The following NAV2 variants were observed in gnomAD, a reference collection of about 807,000 sequenced individuals.
NAV2 encodes the protein helicase, APC down-regulated 1.
In NAV2, 54 loss-of-function variants were observed where a neutral mutation model predicts 223.2. That is an observed-to-expected ratio of 0.24 (90% CI 0.19 to 0.30). NAV2 has a LOEUF of 0.30. NAV2 is among the 10% of genes least tolerant of loss of function. The probability of loss-of-function intolerance (pLI) is 1.00; values close to 1 mark genes in which losing one functional copy is unlikely to be tolerated. For synonymous variants in NAV2, 1,279 were observed against 1,239.3 expected, an observed-to-expected ratio of 1.03 and a Z score of -0.67; for missense variants, 2,806 against 3,147.5, an observed-to-expected ratio of 0.89 and a Z score of 2.60.
At chr11:19,694,099 C>T (rs2049260123) in intron 1 of NAV2, among the ~76,000 whole-genome samples, 1 of 152,108 alleles carries the variant, frequency 6.6e-6, no homozygotes, top group South Asian at 2.1e-4. Flanking sequence ...GGTTGGGTTC[C>T]ACAGAGGCAG....
intron 10 of NAV2, among the ~76,000 whole-genome samples, chr11:19,956,365 T>C (rs796937262): frequency 0.018 from 1,856 of 103,844 alleles, 49 homozygotes; most frequent in African/African-American, 0.083. Flanking sequence ...CCGACACACA[T>C]ACACACACAC....
chr11:19,917,040 T>A (rs570874481), intron 6 of NAV2, among the ~76,000 whole-genome samples: 19 of 152,318 alleles, frequency 1.2e-4, no homozygotes, highest in Admixed American at 9.8e-4. Flanking sequence ...TGCATGGCTA[T>A]CCCTTGATGC....
intron 3 of NAV2, among the ~76,000 whole-genome samples, chr11:19,847,860 C>T (rs977551800): frequency 5.9e-5 from 9 of 152,198 alleles, no homozygotes; most frequent in Non-Finnish European, 8.8e-5. Context: ...ATAATCAGCA[C>T]TCAGTATATG....
At chr11:19,750,504 G>C (rs2053718603) in intron 1 of NAV2, among the ~76,000 whole-genome samples, 2 of 152,180 alleles carry the variant, frequency 1.3e-5, no homozygotes, top group South Asian at 4.1e-4. Context: ...CCTCTGTCCA[G>C]GTAGTTTTAA....
At chr11:19,428,535 C>G (rs922249873) in intron 1 of NAV2, among the ~76,000 whole-genome samples, 2 of 152,212 alleles carry the variant, frequency 1.3e-5, no homozygotes, top group Non-Finnish European at 2.9e-5. Context: ...ATTTGGATTA[C>G]CCGAGTTAGG....
At chr11:19,598,914 G>A (rs1371751587) in intron 1 of NAV2, among the ~76,000 whole-genome samples, 2 of 152,132 alleles carry the variant, frequency 1.3e-5, no homozygotes, top group African/African-American at 4.8e-5. Flanking sequence ...GGTGATCCTT[G>A]TGTTGATTTT....
At position 20,068,499 on chromosome 11, in the gene NAV2, A is replaced by T. The variant is rs1591962976; in HGVS notation, c.4983+101A>T. The T allele has an allele frequency of 1.3e-5, 11 of 866,842 alleles. No individual in the cohort carries two copies. In the South Asian group the frequency reaches 1.5e-4, roughly 12 times the overall value. 53.7% of individuals were successfully genotyped at this position (866,842 alleles called of 1,614,324 possible). A position where few individuals can be genotyped will look rare whatever the true frequency, so the allele number is the denominator to read the frequency against. ...TGTGCTGAACAAATAGAAGTAGCAC[A>T]TTATAAAGAAAAAGACACAGGCTTT... is the stretch of plus-strand genomic sequence containing the variant. On this transcript the variant is annotated intron_variant, in intron 22 of 37. Coordinates refer to ENST00000349880, the MANE Select transcript of NAV2 (RefSeq NM_145117.5).
rs909682464 is a variant in NAV2, at chr11:19,380,772, T to A, written c.75+29745T>A. ...CTAACTCCTTGCCACCTTTGCAAAATGCCCAAGCTCTTGAGCAGAACAAAG... is the reference window on the plus strand; with the variant it reads ...CTAACTCCTTGCCACCTTTGCAAAAAGCCCAAGCTCTTGAGCAGAACAAAG... On this transcript the variant is annotated intron_variant, in intron 1 of 37. Coordinates refer to the NAV2 transcript ENST00000360655. Among the ~76,000 whole-genome samples, 6 of 152,214 alleles carry A rather than the reference T, an allele frequency of 3.9e-5. No individual in the cohort carries two copies. The East Asian group carries it at 1.2e-3, about 29-fold the overall frequency.
chr11:19,949,615 A>C (rs776190190), intron 10 of NAV2, among the ~76,000 whole-genome samples: 1 of 152,156 alleles, frequency 6.6e-6, no homozygotes, highest in Non-Finnish European at 1.5e-5. Flanking sequence ...CTCCTTGACC[A>C]TGCAATTTGA....
intron 11 of NAV2, among the ~76,000 whole-genome samples, chr11:20,002,737 T>C (rs1256550491): frequency 6.6e-6 from 1 of 152,148 alleles, no homozygotes; most frequent in Non-Finnish European, 1.5e-5. Flanking sequence ...AAAGCCACTG[T>C]AATAGCCACC....
In NAV2 at chr11:19,683,809, C is replaced by T. The variant is rs370154053; in HGVS notation, c.76-148675C>T. Among the ~76,000 whole-genome samples, 13 of 152,182 alleles carry T rather than the reference C, an allele frequency of 8.5e-5. No homozygotes were observed. In the East Asian group the frequency reaches 2.5e-3, roughly 29 times the overall value. ...AGCACAAGGACAAGGCCACATTTCA[C>T]CAACGCCCAGAGGAGGGAGAAAACT... On this transcript the variant is annotated intron_variant, in intron 1 of 37. Transcript: ENST00000360655.
At chr11:19,609,878 G>A (rs2046588656) in intron 1 of NAV2, among the ~76,000 whole-genome samples, 1 of 152,214 alleles carries the variant, frequency 6.6e-6, no homozygotes, top group African/African-American at 2.4e-5. Context: ...TTTAAGTCAT[G>A]CGTCACTGAA....
intron 1 of NAV2, among the ~76,000 whole-genome samples, chr11:19,805,502 G>A (rs1158746841): frequency 6.6e-6 from 1 of 152,082 alleles, no homozygotes; most frequent in African/African-American, 2.4e-5. Context: ...AGTATTGATG[G>A]TATTTGCAGC....
intron 20 of NAV2, among the ~76,000 whole-genome samples, chr11:20,065,590 T>C (rs567661822): frequency 3.9e-5 from 6 of 152,268 alleles, no homozygotes; most frequent in African/African-American, 1.4e-4. Context: ...CTTCACATAG[T>C]GTTACCAGAT....
intron 10 of NAV2, among the ~76,000 whole-genome samples, chr11:19,951,664 C>T (rs1019806256): frequency 6.6e-6 from 1 of 152,102 alleles, no homozygotes; most frequent in Non-Finnish European, 1.5e-5. Context: ...TGATTATGTC[C>T]ACAAGGTGGA....
intron 1 of NAV2, among the ~76,000 whole-genome samples, chr11:19,630,094 G>A (rs1393759576): frequency 1.3e-5 from 2 of 150,774 alleles, no homozygotes; most frequent in Admixed American, 6.6e-5. Context: ...TGGGGAATGC[G>A]ACCTATGTTC....
At chr11:19,598,748 C>T (rs1320643575) in intron 1 of NAV2, among the ~76,000 whole-genome samples, 1 of 152,178 alleles carries the variant, frequency 6.6e-6, no homozygotes, top group Non-Finnish European at 1.5e-5. Flanking sequence ...ACTCCACCAC[C>T]AAGCTTTTGA....
chr11:19,444,463 G>A (rs761820618), intron 1 of NAV2, among the ~76,000 whole-genome samples: 13 of 152,058 alleles, frequency 8.5e-5, no homozygotes, highest in Non-Finnish European at 1.6e-4. Context: ...TCTTCCAGAT[G>A]GGCTCATAAA....
chr11:20,082,955 GGCCTAAGCATTGGTT>G lies in NAV2; in HGVS notation c.5326-48_5326-34del, dbSNP rs776103178. The G allele has an allele frequency of 2.3e-5, 35 of 1,532,040 alleles. No individual in the cohort carries two copies. In the Admixed American group the frequency reaches 5.7e-4, roughly 25 times the overall value. 94.9% of individuals were successfully genotyped at this position (1,532,040 alleles called of 1,614,324 possible). A position where few individuals can be genotyped will look rare whatever the true frequency, so the allele number is the denominator to read the frequency against. On this transcript the variant is annotated intron_variant, in intron 25 of 37. Coordinates refer to ENST00000349880, the MANE Select transcript of NAV2 (RefSeq NM_145117.5). ...TGTGTGCATGTCTCTGTTTTGCCAA[GGCCTAAGCATTGGTT>G]GCCCCCGCTGTGAGACTGACAGTCT...
Sources: gnomAD v4.1 joint callset for allele counts (sites outside exome capture counted in the v4.1 genomes callset) on GRCh38, gnomAD v4.1.1 for gene constraint, MANE v1.5 for transcripts, NCBI Gene and HGNC (gene_info 2026-07-23, HGNC 2026-07-21) for gene names.